Variants in CDH18 observed in about 807,000 individuals in gnomAD.
CDH18 encodes the protein cadherin 18.
A neutral mutation model predicts 67.9 loss-of-function variants in CDH18; 31 were observed. That is an observed-to-expected ratio of 0.46 (90% CI 0.34 to 0.62). The LOEUF (loss-of-function observed/expected upper bound fraction) is 0.62, where lower values mean the gene tolerates loss of function less well. CDH18 is among the 20% of genes least tolerant of loss of function. The pLI is 0.01. For synonymous variants in CDH18, 362 were observed against 347.2 expected (o/e 1.04, Z -0.48); for missense variants, 890 against 975.5 (o/e 0.91, Z 1.17).
chr5:20,479,503 C>G (rs553787735), intron 1 of CDH18, among the ~76,000 whole-genome samples: 1 of 152,056 alleles, frequency 6.6e-6, no homozygotes, highest in South Asian at 2.1e-4. Context: ...GAGTCTCTTA[C>G]TGGCAGAATT....
chr5:19,657,108 C>A (rs1027826770), intron 5 of CDH18, among the ~76,000 whole-genome samples: 1 of 152,022 alleles, frequency 6.6e-6, no homozygotes, highest in Non-Finnish European at 1.5e-5. Flanking sequence ...TTTCTTGTAA[C>A]ATTTATAAAA....
intron 2 of CDH18, among the ~76,000 whole-genome samples, chr5:19,920,789 G>A (rs1467281197): frequency 6.6e-6 from 1 of 151,758 alleles, no homozygotes; most frequent in Non-Finnish European, 1.5e-5. Flanking sequence ...TGGGATTACA[G>A]GCGTAAGCCA....
At chr5:20,172,237 T>TATATATACATATATATATAC (rs1736874908) in intron 2 of CDH18, among the ~76,000 whole-genome samples, 3 of 126,012 alleles carry the variant, frequency 2.4e-5, no homozygotes, top group African/African-American at 7.0e-5. Flanking sequence ...TATATATATA[T>TATATATACATATATATATAC]ATGTATATAT....
At chr5:20,121,347 A>C (rs1056716148) in intron 2 of CDH18, among the ~76,000 whole-genome samples, 13 of 152,208 alleles carry the variant, frequency 8.5e-5, no homozygotes, top group African/African-American at 2.4e-4. Flanking sequence ...ATTAACTCAT[A>C]AGGGCTAATC....
intron 1 of CDH18, among the ~76,000 whole-genome samples, chr5:20,458,735 A>G: frequency 6.6e-6 from 1 of 152,196 alleles, no homozygotes. Flanking sequence ...CCTCCTTGAT[A>G]TTTGGAAGAG....
intron 1 of CDH18, among the ~76,000 whole-genome samples, chr5:20,400,610 C>A (rs13166070): frequency 0.56 from 81,006 of 143,894 alleles, 22,577 homozygotes; most frequent in Middle Eastern, 0.61. Flanking sequence ...AAAAAAAAAA[C>A]CAGCGAGGTG....
chr5:20,560,478 C>CACAG (rs1346473859), intron 1 of CDH18, among the ~76,000 whole-genome samples: 1 of 145,970 alleles, frequency 6.9e-6, no homozygotes, highest in East Asian at 2.0e-4. Flanking sequence ...TACACACACA[C>CACAG]ACACACACAC....
intron 3 of CDH18, among the ~76,000 whole-genome samples, chr5:19,828,534 C>G (rs553473812): frequency 6.6e-6 from 1 of 152,188 alleles, no homozygotes. Context: ...CAAAAAGCTA[C>G]TCCACCATGA....
intron 3 of CDH18, among the ~76,000 whole-genome samples, chr5:19,804,317 A>T (rs1226740671): frequency 6.6e-6 from 1 of 151,596 alleles, no homozygotes; most frequent in Non-Finnish European, 1.5e-5. Context: ...AAAAAAAATA[A>T]ATAAAATAAA....
intron 1 of CDH18, among the ~76,000 whole-genome samples, chr5:20,500,403 A>G (rs1754186394): frequency 6.6e-6 from 1 of 152,136 alleles, no homozygotes; most frequent in South Asian, 2.1e-4. Context: ...ACAAATTCTA[A>G]TATTTAATAT....
At position 20,473,779 on chromosome 5, in the gene CDH18, G is replaced by T. The variant is rs1414962438; in HGVS notation, c.-580+101683C>A. Among the ~76,000 whole-genome samples the T allele has an allele frequency of 3.3e-5, 5 of 152,146 alleles. No homozygotes were observed. In the East Asian group the frequency reaches 9.7e-4, roughly 29 times the overall value. ...ATTATTCTTGGTTATTGTTGTGGTT[G>T]CCAATCCTTGATTATTTTTGATAAT... On this transcript the variant is annotated intron_variant, in intron 1 of 14. Coordinates refer to the CDH18 transcript ENST00000507958.
At chr5:20,145,773 A>G (rs979629111) in intron 2 of CDH18, among the ~76,000 whole-genome samples, 4 of 152,168 alleles carry the variant, frequency 2.6e-5, no homozygotes, top group African/African-American at 9.7e-5. Flanking sequence ...TGAGTTCCAT[A>G]TATTTACTCT....
intron 1 of CDH18, among the ~76,000 whole-genome samples, chr5:20,394,450 C>G (rs1001852764): frequency 1.3e-5 from 2 of 152,044 alleles, no homozygotes; most frequent in African/African-American, 4.8e-5. Flanking sequence ...GAATTAAATA[C>G]TTTAAGATCT....
chr5:20,121,080 T>A (rs1385486208), intron 2 of CDH18, among the ~76,000 whole-genome samples: 1 of 152,130 alleles, frequency 6.6e-6, no homozygotes, highest in Non-Finnish European at 1.5e-5. Flanking sequence ...TGCCACCACA[T>A]AATGTAGTCT....
intron 11 of CDH18, among the ~76,000 whole-genome samples, chr5:19,497,659 A>G (rs1044045450): frequency 1.3e-5 from 2 of 152,180 alleles, no homozygotes; most frequent in African/African-American, 4.8e-5. Context: ...TAAATAGGAG[A>G]ATTTCATCAG....
chr5:19,546,690 A>T (rs773743419), intron 8 of CDH18, among the ~76,000 whole-genome samples: 1 of 152,222 alleles, frequency 6.6e-6, no homozygotes, highest in Non-Finnish European at 1.5e-5. Flanking sequence ...TATGCAGAGC[A>T]TATTGCTAAG....
intron 1 of CDH18, among the ~76,000 whole-genome samples, chr5:20,344,011 G>A (rs1740496066): frequency 6.6e-6 from 1 of 152,102 alleles, no homozygotes; most frequent in South Asian, 2.1e-4. Flanking sequence ...ATCTGGAAGG[G>A]CTCCATAAAA....
At chr5:19,817,378 C>T (rs889098300) in intron 3 of CDH18, among the ~76,000 whole-genome samples, 1 of 151,932 alleles carries the variant, frequency 6.6e-6, no homozygotes, top group African/African-American at 2.4e-5. Context: ...ATCTCTCCTA[C>T]AGATATACCA....
chr5:19,684,712 A>C (rs1178764311), intron 5 of CDH18, among the ~76,000 whole-genome samples: 1 of 152,044 alleles, frequency 6.6e-6, no homozygotes, highest in Non-Finnish European at 1.5e-5. Context: ...TTACTCTGAG[A>C]AATAAAAAGT....
Sources: gnomAD v4.1 joint callset for allele counts (sites outside exome capture counted in the v4.1 genomes callset) on GRCh38, gnomAD v4.1.1 for gene constraint, MANE v1.5 for transcripts, NCBI Gene and HGNC (gene_info 2026-07-23, HGNC 2026-07-21) for gene names.